Variants in ZFHX3 observed in about 807,000 individuals in gnomAD.
ZFHX3 encodes the protein zinc finger homeobox protein 3.
A neutral mutation model predicts 279.1 loss-of-function variants in ZFHX3; 42 were observed. The observed-to-expected ratio is 0.15, with a 90% CI of 0.12 to 0.19. ZFHX3 has a LOEUF of 0.19. Ranked by LOEUF, ZFHX3 falls within the 10% of genes least tolerant of loss-of-function variation. ZFHX3 has a pLI of 1.00. For synonymous variants in ZFHX3, 2,293 were observed against 1,957.8 expected, an observed-to-expected ratio of 1.17 and a Z score of -4.52; for missense variants, 4,981 against 4,754.0, an observed-to-expected ratio of 1.05 and a Z score of -1.40.
intron 5 of ZFHX3, among the ~76,000 whole-genome samples, chr16:72,814,240 T>C (rs894685368): frequency 2.0e-5 from 3 of 152,154 alleles, no homozygotes; most frequent in African/African-American, 7.2e-5. Flanking sequence ...ATAGATTCTA[T>C]TCCATACACC....
chr16:73,576,407 G>A (rs997312061), intron 2 of ZFHX3, among the ~76,000 whole-genome samples: 3 of 152,156 alleles, frequency 2.0e-5, no homozygotes, highest in Non-Finnish European at 4.4e-5. Context: ...ACACTCACAC[G>A]TATGCATCAC....
intron 2 of ZFHX3, among the ~76,000 whole-genome samples, chr16:73,517,900 T>TA (rs1043440868): frequency 2.6e-5 from 4 of 152,178 alleles, no homozygotes; most frequent in Admixed American, 6.5e-5. Context: ...GTAGCCACAT[T>TA]AAAAAACATA....
intron 1 of ZFHX3, among the ~76,000 whole-genome samples, chr16:73,859,755 G>A (rs1448511310): frequency 6.6e-6 from 1 of 152,160 alleles, no homozygotes; most frequent in Non-Finnish European, 1.5e-5. Flanking sequence ...CAAAATCAAA[G>A]ACAAGACTGC....
chr16:73,330,018 G>C (rs2015769655), intron 3 of ZFHX3, among the ~76,000 whole-genome samples: 1 of 152,168 alleles, frequency 6.6e-6, no homozygotes, highest in Non-Finnish European at 1.5e-5. Flanking sequence ...GCTGGGCTGG[G>C]CTCACTCTTC....
intron 3 of ZFHX3, among the ~76,000 whole-genome samples, chr16:72,916,736 C>T (rs577545943): frequency 6.6e-5 from 10 of 152,218 alleles, no homozygotes; most frequent in South Asian, 6.2e-4. Flanking sequence ...CTAGGCACCA[C>T]GGCAAAGGAT....
At chr16:73,459,219 T>C (rs2018428623) in intron 2 of ZFHX3, among the ~76,000 whole-genome samples, 2 of 152,252 alleles carry the variant, frequency 1.3e-5, no homozygotes, top group African/African-American at 4.8e-5. Context: ...TAATTGTTGA[T>C]TCACACGCAG....
intron 2 of ZFHX3, among the ~76,000 whole-genome samples, chr16:73,657,112 TAGC>T (rs1355768376): frequency 6.6e-6 from 1 of 152,252 alleles, no homozygotes; most frequent in Non-Finnish European, 1.5e-5. Context: ...AATTATTTAG[TAGC>T]AGCTTTACTG....
At chr16:73,567,194 C>T (rs1475249331) in intron 2 of ZFHX3, among the ~76,000 whole-genome samples, 2 of 152,144 alleles carry the variant, frequency 1.3e-5, no homozygotes, top group Non-Finnish European at 2.9e-5. Flanking sequence ...CACTAATCTC[C>T]TAAATCCAGG....
At chr16:73,310,567 C>T (rs543358725) in intron 4 of ZFHX3, among the ~76,000 whole-genome samples, 1 of 152,192 alleles carries the variant, frequency 6.6e-6, no homozygotes, top group African/African-American at 2.4e-5. Context: ...GGGGTGGCAG[C>T]AGTGCTGCTG....
At chr16:72,883,358 G>C (rs544748124) in intron 4 of ZFHX3, among the ~76,000 whole-genome samples, 2 of 152,184 alleles carry the variant, frequency 1.3e-5, no homozygotes, top group East Asian at 3.9e-4. Flanking sequence ...AGACAACCAA[G>C]ATTTACTTCT....
At chr16:72,890,000 G>A (rs1325840563) in intron 3 of ZFHX3, 38 bp from the exon 4 acceptor site, 1 of 1,567,546 alleles carries the variant, frequency 6.4e-7, no homozygotes, top group African/African-American at 1.3e-5. Flanking sequence ...CCTTGGGTAA[G>A]CCACTCGAAG....
intron 1 of ZFHX3, among the ~76,000 whole-genome samples, chr16:73,816,503 T>C (rs1232844611): frequency 6.6e-6 from 1 of 152,202 alleles, no homozygotes; most frequent in East Asian, 1.9e-4. Flanking sequence ...CACTTTGCAA[T>C]GGCAGAAATA....
At chr16:73,053,190 CT>C (rs1965480550) in intron 1 of ZFHX3, among the ~76,000 whole-genome samples, 2 of 151,922 alleles carry the variant, frequency 1.3e-5, no homozygotes, top group Admixed American at 1.3e-4. Context: ...CTTTTCTTTT[CT>C]TTTTTGGAGG....
At chr16:73,470,031 T>A (rs953360062) in intron 2 of ZFHX3, among the ~76,000 whole-genome samples, 42 of 152,116 alleles carry the variant, frequency 2.8e-4, no homozygotes, top group African/African-American at 1.0e-3. Context: ...AGAATGATAG[T>A]CTTCCAACTC....
chr16:73,107,390 T>C (rs1489939725), intron 7 of ZFHX3, among the ~76,000 whole-genome samples: 5 of 152,148 alleles, frequency 3.3e-5, no homozygotes, highest in Non-Finnish European at 5.9e-5. Context: ...TCAAACCTTA[T>C]TGAAAAAAGG....
At chr16:72,916,059 T>C (rs1246259513) in intron 3 of ZFHX3, among the ~76,000 whole-genome samples, 1 of 152,332 alleles carries the variant, frequency 6.6e-6, no homozygotes, top group Non-Finnish European at 1.5e-5. Flanking sequence ...CGGACTGGAA[T>C]AGTATACGTG....
chr16:73,016,697 TTCC>T (rs1425607967), intron 1 of ZFHX3, among the ~76,000 whole-genome samples: 3 of 152,026 alleles, frequency 2.0e-5, no homozygotes, highest in African/African-American at 4.8e-5. Context: ...CTCCAGTAAT[TTCC>T]TCCTCTTCTA....
intron 3 of ZFHX3, among the ~76,000 whole-genome samples, chr16:73,413,842 T>A (rs1007678620): frequency 6.6e-6 from 1 of 152,196 alleles, no homozygotes; most frequent in African/African-American, 2.4e-5. Flanking sequence ...CTAAGATGAT[T>A]TGCCCAAGTA....
At chr16:73,370,147 G>T (rs2016600154) in intron 3 of ZFHX3, among the ~76,000 whole-genome samples, 1 of 152,184 alleles carries the variant, frequency 6.6e-6, no homozygotes, top group South Asian at 2.1e-4. Flanking sequence ...ATAAACCACA[G>T]CAGCCTTTCT....
Sources: gnomAD v4.1 joint callset for allele counts (sites outside exome capture counted in the v4.1 genomes callset) on GRCh38, gnomAD v4.1.1 for gene constraint, MANE v1.5 for transcripts, NCBI Gene and HGNC (gene_info 2026-07-23, HGNC 2026-07-21) for gene names.